ZBTB20: variants seen among roughly 807,000 people sequenced by gnomAD.
The protein encoded by ZBTB20 is zinc finger and BTB domain containing 20.
In ZBTB20, 9 loss-of-function variants were observed where a neutral mutation model predicts 56.9. That is an observed-to-expected ratio of 0.16 (90% CI 0.10 to 0.28). ZBTB20 has a LOEUF of 0.28. ZBTB20 is among the 10% of genes least tolerant of loss of function. The pLI, the probability that ZBTB20 is intolerant of heterozygous loss-of-function variation, is 1.00. For missense variants in ZBTB20, 655 were observed against 1,003.0 expected (o/e 0.65, Z 4.69); for synonymous variants, 417 against 420.7 (o/e 0.99, Z 0.11).
At chr3:114,471,775 T>C (rs964643569) in intron 7 of ZBTB20, among the ~76,000 whole-genome samples, 1 of 152,208 alleles carries the variant, frequency 6.6e-6, no homozygotes, top group African/African-American at 2.4e-5. Context: ...TGTCATTAAC[T>C]GAACAGGGGA....
At chr3:114,484,854 C>T (rs948371692) in intron 7 of ZBTB20, among the ~76,000 whole-genome samples, 6 of 151,844 alleles carry the variant, frequency 4.0e-5, no homozygotes, top group South Asian at 4.2e-4. Flanking sequence ...AGTGCACGCA[C>T]GCACGTGTAT....
intron 6 of ZBTB20, among the ~76,000 whole-genome samples, chr3:114,686,638 C>A (rs2062358936): frequency 6.6e-6 from 1 of 152,104 alleles, no homozygotes; most frequent in African/African-American, 2.4e-5. Context: ...TCTAATATAC[C>A]TTTCTCTATC....
At chr3:115,042,694 T>C (rs570718320) in intron 2 of ZBTB20, among the ~76,000 whole-genome samples, 3 of 152,342 alleles carry the variant, frequency 2.0e-5, no homozygotes, top group African/African-American at 4.8e-5. Context: ...TCATACAAAA[T>C]GCATTTCAGG....
rs145364827 is a variant in ZBTB20, at chr3:114,350,712, C to G, written c.1366G>C (p.Val456Leu). The G allele has an allele frequency of 2.6e-5, 42 of 1,614,088 alleles. No individual in the cohort carries two copies. The highest frequency in any genetic ancestry group is 3.5e-5 in the Non-Finnish European group (41 of 1,180,050). ...ITVSNSSDKS[V>L]LQQPSVNTSI... ...GTGTTGACCGAAGGCTGTTGTAGGA[C>G]GCTCTTGTCGGAGCTGTTGCTGACA... Residue 456 changes from valine (V) to leucine (L), a missense_variant, in exon 11 of 12, where the codon GTC becomes CTC. Physicochemically the swap from Val to Leu is conservative, Grantham distance 32 (BLOSUM62 1). This residue lies in a region of ZBTB20 where 156 missense variants were observed against 181.0 expected (regional missense o/e 0.86). Transcript: ENST00000675478.
intron 3 of ZBTB20, among the ~76,000 whole-genome samples, chr3:114,910,641 T>A (rs1448394026): frequency 1.3e-5 from 2 of 152,068 alleles, no homozygotes; most frequent in African/African-American, 2.4e-5. Flanking sequence ...TTAATCTGTA[T>A]ATCAGCCATA....
intron 7 of ZBTB20, among the ~76,000 whole-genome samples, chr3:114,446,315 T>C (rs540897518): frequency 3.9e-5 from 6 of 152,274 alleles, no homozygotes; most frequent in African/African-American, 1.2e-4. Flanking sequence ...AGTATATTGA[T>C]CATTTTATCA....
chr3:114,464,686 A>G (rs1224983722), intron 7 of ZBTB20, among the ~76,000 whole-genome samples: 1 of 152,220 alleles, frequency 6.6e-6, no homozygotes, highest in African/African-American at 2.4e-5. Flanking sequence ...AAGGAGGTGA[A>G]GGGAGGTTTC....
In ZBTB20 at chr3:114,320,565, T is replaced by C. The variant is rs1192027989; in HGVS notation, c.*18440A>G. 1.3e-5 allele frequency: 2 copies of C among 152,216 alleles called. No individual in the cohort carries two copies. Among genetic ancestry groups the C allele is most frequent in the Non-Finnish European group, 2.9e-5 (2 of 68,038 alleles). The allele number at this position is 152,216 out of a possible 1,614,324, so 9.4% of individuals were successfully genotyped here. On this transcript the variant is annotated 3_prime_UTR_variant, in exon 12 of 12. Transcript: ENST00000675478. The stretch of plus-strand genomic sequence containing the variant: ...GTTAAAAAACAGGTAAGGCTACTCT[T>C]AGATTTCTAACTCAACATAGTTAAC...
intron 7 of ZBTB20, chr3:114,454,696 C>CTCCCAAG (rs1440586982): frequency 2.0e-5 from 3 of 151,836 alleles, no homozygotes; most frequent in African/African-American, 7.3e-5. Context: ...TTGTCACCCT[C>CTCCCAAG]TCCCAAGTCC....
chr3:114,401,882 A>G (rs2086853999), intron 7 of ZBTB20, among the ~76,000 whole-genome samples: 1 of 152,192 alleles, frequency 6.6e-6, no homozygotes, highest in South Asian at 2.1e-4. Context: ...TTTATGGGGA[A>G]TAATAATATA....
At chr3:115,057,915 A>C (rs2081866794) in intron 2 of ZBTB20, among the ~76,000 whole-genome samples, 1 of 152,254 alleles carries the variant, frequency 6.6e-6, no homozygotes, top group Non-Finnish European at 1.5e-5. Context: ...ATTGACTCAC[A>C]GTTCAGCACA....
intron 2 of ZBTB20, among the ~76,000 whole-genome samples, chr3:115,012,999 T>TA (rs2079786968): frequency 6.6e-6 from 1 of 151,702 alleles, no homozygotes; most frequent in African/African-American, 2.4e-5. Context: ...GAAGGAAACT[T>TA]AAAGATTTAT....
intron 4 of ZBTB20, among the ~76,000 whole-genome samples, chr3:114,813,500 T>C (rs1431005032): frequency 6.6e-6 from 1 of 152,174 alleles, no homozygotes; most frequent in Non-Finnish European, 1.5e-5. Context: ...TCTGTAATCC[T>C]AGCATTTTGC....
At chr3:114,776,131 G>C (rs1437753962) in intron 5 of ZBTB20, among the ~76,000 whole-genome samples, 5 of 151,022 alleles carry the variant, frequency 3.3e-5, no homozygotes, top group African/African-American at 1.2e-4. Context: ...AGTGCTAGCG[G>C]AAAGGAGAAG....
At chr3:114,387,646 A>G (rs947493986) in intron 8 of ZBTB20, 2 of 152,228 alleles carry the variant, frequency 1.3e-5, no homozygotes, top group Non-Finnish European at 2.9e-5. Context: ...TCTGCATCAT[A>G]GTAAGGCTGT....
chr3:114,414,419 C>T (rs78104110), intron 7 of ZBTB20, among the ~76,000 whole-genome samples: 4,658 of 152,066 alleles, frequency 0.031, 117 homozygotes, highest in Middle Eastern at 0.065. Flanking sequence ...GAGAAGAATC[C>T]GGAGTTTACT....
intron 6 of ZBTB20, among the ~76,000 whole-genome samples, chr3:114,614,537 C>T (rs116737797): frequency 0.039 from 5,934 of 152,154 alleles, 364 homozygotes; most frequent in African/African-American, 0.13. Context: ...AATGAAAAAT[C>T]CCATTATTAC....
intron 3 of ZBTB20, among the ~76,000 whole-genome samples, chr3:114,932,217 C>T (rs1188455882): frequency 6.6e-6 from 1 of 152,192 alleles, no homozygotes; most frequent in African/African-American, 2.4e-5. Context: ...CCTGTAACCA[C>T]CTGTAACCTG....
At chr3:115,082,832 A>G (rs1041651637) in intron 1 of ZBTB20, among the ~76,000 whole-genome samples, 60 of 152,214 alleles carry the variant, frequency 3.9e-4, no homozygotes, top group African/African-American at 1.4e-3. Context: ...GTGTACATGC[A>G]CACACATGCA....
Sources: allele counts gnomAD v4.1 joint callset (sites outside exome capture counted in the v4.1 genomes callset), GRCh38; gene constraint gnomAD v4.1.1; regional missense constraint gnomAD v4.1.1; transcripts MANE v1.5; gene names NCBI Gene and HGNC (gene_info 2026-07-23, HGNC 2026-07-21).